Variants in AFG2A observed in about 807,000 individuals in gnomAD.
AFG2A encodes the protein AAA ATPase AFG2A.
At chr4:123,023,897 T>G in the AFG2A span, among the ~76,000 whole-genome samples, 2 of 151,868 alleles carry the variant, frequency 1.3e-5, no homozygotes, top group African/African-American at 4.8e-5. Flanking sequence ...GCGATTTGGC[T>G]TCCGTTCTGG....
the AFG2A span, among the ~76,000 whole-genome samples, chr4:122,971,147 C>T: frequency 1.3e-5 from 2 of 152,136 alleles, no homozygotes; most frequent in African/African-American, 4.8e-5. Context: ...TGGCTTATAC[C>T]TATAACTCCA....
chr4:123,099,255 C>A, the AFG2A span, among the ~76,000 whole-genome samples: 1 of 151,914 alleles, frequency 6.6e-6, no homozygotes, highest in Admixed American at 6.6e-5. Flanking sequence ...TAGATTTTAA[C>A]ACCTTATCAG....
chr4:123,273,720 C>T, the AFG2A span, among the ~76,000 whole-genome samples: 2,468 of 152,090 alleles, frequency 0.016, 49 homozygotes, highest in South Asian at 0.096. Context: ...TTCATGCACA[C>T]GATTATTTAT....
At chr4:123,295,490 T>C in the AFG2A span, among the ~76,000 whole-genome samples, 1 of 152,274 alleles carries the variant, frequency 6.6e-6, no homozygotes, top group Non-Finnish European at 1.5e-5. Flanking sequence ...AAATAAACTA[T>C]GCTCCTATAA....
At chr4:123,221,809 C>A in the AFG2A span, among the ~76,000 whole-genome samples, 1 of 151,970 alleles carries the variant, frequency 6.6e-6, no homozygotes, top group Non-Finnish European at 1.5e-5. Context: ...TGCTTGTAAT[C>A]CCAGCTACTC....
the AFG2A span, among the ~76,000 whole-genome samples, chr4:123,081,574 G>T: frequency 1.3e-5 from 2 of 152,166 alleles, no homozygotes; most frequent in Non-Finnish European, 2.9e-5. Flanking sequence ...TGAAGACTGT[G>T]AATAAAGCTT....
the AFG2A span, among the ~76,000 whole-genome samples, chr4:123,012,446 G>GGT: frequency 1.4e-4 from 22 of 152,118 alleles, no homozygotes; most frequent in Non-Finnish European, 2.6e-4. Flanking sequence ...AGAGAGAAGG[G>GGT]GTGGGTGAGC....
At chr4:123,094,954 A>G in the AFG2A span, among the ~76,000 whole-genome samples, 2 of 149,082 alleles carry the variant, frequency 1.3e-5, no homozygotes, top group South Asian at 2.1e-4. Context: ...TCAAACAACC[A>G]GTTACTTTAC....
the AFG2A span, among the ~76,000 whole-genome samples, chr4:123,132,283 C>T: frequency 2.0e-4 from 30 of 152,046 alleles, no homozygotes; most frequent in African/African-American, 5.3e-4. Flanking sequence ...TGACTAATAT[C>T]GCACTTTTCC....
At chr4:123,080,417 TA>T in the AFG2A span, among the ~76,000 whole-genome samples, 4 of 152,216 alleles carry the variant, frequency 2.6e-5, no homozygotes, top group Non-Finnish European at 5.9e-5. Context: ...TGTGAGAAAA[TA>T]ATTTCTGTTG....
At chr4:123,232,648 A>G in the AFG2A span, among the ~76,000 whole-genome samples, 1 of 152,056 alleles carries the variant, frequency 6.6e-6, no homozygotes, top group East Asian at 1.9e-4. Flanking sequence ...ATTGGGCAAT[A>G]GCTAAGACAG....
the AFG2A span, among the ~76,000 whole-genome samples, chr4:123,081,513 C>A: frequency 6.6e-6 from 1 of 152,222 alleles, no homozygotes; most frequent in Middle Eastern, 3.4e-3. Flanking sequence ...CTGGACCTAC[C>A]TCAGTTTACC....
the AFG2A span, among the ~76,000 whole-genome samples, chr4:123,074,085 C>T: frequency 1.8e-5 from 2 of 109,620 alleles, no homozygotes; most frequent in African/African-American, 6.3e-5. Context: ...TTGGGACATT[C>T]TCAGATAGTA....
the AFG2A span, among the ~76,000 whole-genome samples, chr4:123,135,355 G>T: frequency 2.0e-4 from 31 of 152,270 alleles, no homozygotes; most frequent in Admixed American, 8.5e-4. Flanking sequence ...AACAATACAA[G>T]ATGCTTACCT....
the AFG2A span, chr4:123,314,045 G>A: frequency 1.2e-6 from 2 of 1,606,156 alleles, no homozygotes; most frequent in Non-Finnish European, 1.7e-6. Flanking sequence ...CAAGAGAAGA[G>A]TGGGCTGCAT....
chr4:123,056,257 G>A, the AFG2A span: 1 of 767,056 alleles, frequency 1.3e-6, no homozygotes, highest in Non-Finnish European at 2.0e-6. Flanking sequence ...GAGAAAATAA[G>A]CATGCTAAAG....
the AFG2A span, among the ~76,000 whole-genome samples, chr4:122,931,783 C>T: frequency 1.3e-5 from 2 of 152,164 alleles, no homozygotes; most frequent in Non-Finnish European, 2.9e-5. Context: ...GGCAGAGTGT[C>T]ACCTCATCCT....
chr4:122,947,759 A>G, the AFG2A span, among the ~76,000 whole-genome samples: 1 of 152,314 alleles, frequency 6.6e-6, no homozygotes, highest in East Asian at 1.9e-4. Flanking sequence ...TGGGCTCAGC[A>G]TCTGAGGAGT....
chr4:123,184,795 C>G, the AFG2A span, among the ~76,000 whole-genome samples: 1 of 152,040 alleles, frequency 6.6e-6, no homozygotes, highest in Non-Finnish European at 1.5e-5. Context: ...CTAGGCCTCC[C>G]AAAGTGCTGG....
Sources: allele counts gnomAD v4.1 joint callset (sites outside exome capture counted in the v4.1 genomes callset), GRCh38; gene constraint gnomAD v4.1.1; transcripts MANE v1.5; gene names NCBI Gene and HGNC (gene_info 2026-07-23, HGNC 2026-07-21).